CDH13: variants seen among roughly 807,000 people sequenced by gnomAD.
CDH13 encodes the protein cadherin-13.
Under a neutral mutation model 63.8 loss-of-function variants are expected in CDH13, and 24 were observed. The ratio of observed to expected loss-of-function variants is 0.38; its 90% CI spans 0.27 to 0.53. The LOEUF is 0.53. Among genes scored for constraint, CDH13 ranks in the 20% least tolerant of loss-of-function variants. The probability of loss-of-function intolerance (pLI) is 0.85; values close to 1 mark genes in which losing one functional copy is unlikely to be tolerated. For missense variants in CDH13, 1,049 were observed against 903.1 expected (o/e 1.16, Z -2.07); for synonymous variants, 503 against 355.3 (o/e 1.42, Z -4.67).
chr16:82,984,499 A>G (rs532391146), intron 2 of CDH13, among the ~76,000 whole-genome samples: 168 of 152,346 alleles, frequency 1.1e-3, no homozygotes, highest in African/African-American at 3.9e-3. Flanking sequence ...AAGGATGGTA[A>G]TGACACCTTT....
At chr16:83,266,560 A>G (rs1907646583) in intron 5 of CDH13, among the ~76,000 whole-genome samples, 1 of 152,236 alleles carries the variant, frequency 6.6e-6, no homozygotes, top group Non-Finnish European at 1.5e-5. Context: ...TAACACAGAT[A>G]AAGTCTTCTG....
intron 8 of CDH13, among the ~76,000 whole-genome samples, chr16:83,606,176 G>T (rs1567800697): frequency 6.6e-6 from 1 of 152,194 alleles, no homozygotes. Context: ...TTGGAGTTGA[G>T]GATGTCCAGA....
At chr16:83,560,594 A>G (rs918401232) in intron 7 of CDH13, among the ~76,000 whole-genome samples, 2 of 152,248 alleles carry the variant, frequency 1.3e-5, no homozygotes, top group African/African-American at 2.4e-5. Flanking sequence ...AAGACCTACT[A>G]TTTAGAGTTT....
chr16:82,864,563 C>T (rs1001915936), intron 2 of CDH13, among the ~76,000 whole-genome samples: 1 of 152,030 alleles, frequency 6.6e-6, no homozygotes, highest in African/African-American at 2.4e-5. Context: ...CGAGAACTCA[C>T]TCACTATAAT....
chr16:82,773,588 C>T (rs1348484140), intron 1 of CDH13: 1 of 152,206 alleles, frequency 6.6e-6, no homozygotes, highest in Non-Finnish European at 1.5e-5. Flanking sequence ...CATTCTAGAG[C>T]TACCTTTCAA....
chr16:82,748,510 T>C (rs2034277120), intron 1 of CDH13, among the ~76,000 whole-genome samples: 1 of 152,168 alleles, frequency 6.6e-6, no homozygotes, highest in African/African-American at 2.4e-5. Context: ...GGGATAGATA[T>C]CTGTTCTGTT....
At chr16:83,139,358 C>G (rs1030487696) in intron 4 of CDH13, among the ~76,000 whole-genome samples, 2 of 152,172 alleles carry the variant, frequency 1.3e-5, no homozygotes, top group Non-Finnish European at 2.9e-5. Flanking sequence ...TTTTTTTCTA[C>G]TAGCTAAGAA....
intron 3 of CDH13, among the ~76,000 whole-genome samples, chr16:83,066,454 A>G (rs1473334718): frequency 6.6e-6 from 1 of 152,178 alleles, no homozygotes; most frequent in Admixed American, 6.5e-5. Flanking sequence ...AGGCCTTCTG[A>G]CCGAGGACCT....
intron 1 of CDH13, among the ~76,000 whole-genome samples, chr16:82,660,180 C>A (rs890940165): frequency 6.6e-6 from 1 of 151,966 alleles, no homozygotes. Context: ...AAAATGTGAC[C>A]CAGAAATCAC....
Position 83,113,306 on chromosome 16 carries a change from A to G in CDH13, c.367-12079A>G, listed in dbSNP as rs148860930. On this transcript the variant is annotated intron_variant, in intron 3 of 13. Coordinates refer to ENST00000567109, the MANE Select transcript of CDH13 (RefSeq NM_001257.5). ...ACAAAATCAAAGCGAAATCACCAAC[A>G]TCTTACTCATTTACTTATTAGACAC... Among the ~76,000 whole-genome samples, 23 of 152,344 alleles carry G rather than the reference A, an allele frequency of 1.5e-4. No individual in the cohort carries two copies. In the East Asian group the frequency reaches 4.2e-3, roughly 28 times the overall value.
At chr16:82,741,319 TTC>T (rs1486359056) in intron 1 of CDH13, among the ~76,000 whole-genome samples, 5 of 152,210 alleles carry the variant, frequency 3.3e-5, no homozygotes, top group African/African-American at 1.2e-4. Context: ...ACACTCTCTT[TTC>T]TCTCTCCCAC....
At chr16:82,866,797 ATAAGG>A (rs2040164325) in intron 2 of CDH13, among the ~76,000 whole-genome samples, 2 of 152,168 alleles carry the variant, frequency 1.3e-5, no homozygotes, top group Admixed American at 1.3e-4. Context: ...AAGTGCCGAG[ATAAGG>A]GGGAAGAGCC....
rs1171040252 is a variant in CDH13, at chr16:83,780,072, G to A, written c.1786G>A (p.Ala596Thr). 1.2e-6 allele frequency: 2 copies of A among 1,613,716 alleles called. No individual in the cohort carries two copies. The highest frequency in any genetic ancestry group is 1.7e-6 in the Non-Finnish European group (2 of 1,179,780). Residue 596 changes from alanine to threonine, a missense_variant, in exon 12 of 14, where the codon GCC (alanine) becomes ACC (threonine). Physicochemically the swap from Ala to Thr is moderately conservative, Grantham distance 58. Transcript: ENST00000567109. ...YPTVAEVCDD[A>T]KNLSVVILGA... ...CACAGTAGCTGAAGTCTGTGATGATGCCAAAAACCTCAGTGTAGTCATTTT... is the reference window on the plus strand; with the variant it reads ...CACAGTAGCTGAAGTCTGTGATGATACCAAAAACCTCAGTGTAGTCATTTT...
At chr16:83,571,705 T>A (rs1904638475) in intron 7 of CDH13, among the ~76,000 whole-genome samples, 1 of 152,218 alleles carries the variant, frequency 6.6e-6, no homozygotes, top group African/African-American at 2.4e-5. Context: ...TCTCCCTTTT[T>A]CCTTCTCAAC....
chr16:83,717,076 A>T (rs1390285049), intron 10 of CDH13: 1 of 152,246 alleles, frequency 6.6e-6, no homozygotes, highest in Non-Finnish European at 1.5e-5. Context: ...TCTGGCCAAC[A>T]TGGTGAAGCC....
chr16:82,680,466 T>G (rs558104141), intron 1 of CDH13, among the ~76,000 whole-genome samples: 2 of 147,242 alleles, frequency 1.4e-5, no homozygotes, highest in Admixed American at 1.4e-4. Context: ...TGCTGTGTGG[T>G]TGAGATCTGG....
intron 3 of CDH13, among the ~76,000 whole-genome samples, chr16:83,117,225 C>G (rs761071210): frequency 1.3e-5 from 2 of 152,222 alleles, no homozygotes; most frequent in South Asian, 2.1e-4. Context: ...GCCTACGTGC[C>G]TCTCCAGGGT....
rs180959133 is a variant in CDH13, at chr16:83,319,611, A to G, written c.637-25251A>G. Among the ~76,000 whole-genome samples the G allele has an allele frequency of 4.6e-5, 7 of 152,376 alleles. No homozygotes were observed. The East Asian group carries it at 1.4e-3, about 29-fold the overall frequency. ...ATATTTTTCATTTAGAACAAGGAGA[A>G]TAAGTTTTAAATTACTAAACAAAAC... On this transcript the variant is annotated intron_variant, in intron 5 of 13. Coordinates refer to ENST00000567109, the MANE Select transcript of CDH13 (RefSeq NM_001257.5).
intron 5 of CDH13, among the ~76,000 whole-genome samples, chr16:83,296,063 A>C (rs1039236795): frequency 3.3e-5 from 5 of 152,180 alleles, no homozygotes; most frequent in Non-Finnish European, 5.9e-5. Flanking sequence ...AAACCTCTAT[A>C]AGCTCCTATG....
Sources: gnomAD v4.1 joint callset for allele counts (sites outside exome capture counted in the v4.1 genomes callset) on GRCh38, gnomAD v4.1.1 for gene constraint, MANE v1.5 for transcripts, NCBI Gene and HGNC (gene_info 2026-07-23, HGNC 2026-07-21) for gene names.